Variants in LAMP3 observed in about 807,000 individuals in gnomAD.
LAMP3 encodes the protein lysosome-associated membrane glycoprotein 3.
A neutral mutation model predicts 34.8 loss-of-function variants in LAMP3; 26 were observed. The observed-to-expected ratio is 0.75, with a 90% confidence interval of 0.55 to 1.04. LAMP3 has a LOEUF of 1.04. Among genes scored for constraint, LAMP3 ranks in the 50% least tolerant of loss-of-function variants. LAMP3 has a pLI of 0.00. For missense variants in LAMP3, 495 were observed against 524.0 expected, an observed-to-expected ratio of 0.94 and a Z score of 0.54; for synonymous variants, 180 against 201.9, an observed-to-expected ratio of 0.89 and a Z score of 0.92.
intron 4 of LAMP3, among the ~76,000 whole-genome samples, chr3:183,137,033 G>A (rs1009441683): frequency 2.6e-5 from 4 of 151,228 alleles, no homozygotes; most frequent in African/African-American, 4.9e-5. Context: ...TAAGTAGGCC[G>A]GGCATGGTGG....
chr3:183,142,006 T>C lies in LAMP3; in HGVS notation c.889-1411A>G, dbSNP rs370520149. ...TTCTTGGTCCTGGGAGAGGACCTGG[T>C]TGCCTCCGTCAAGGTGCTCAGTCTC... On this transcript the variant is annotated intron_variant, in intron 3 of 5. Coordinates refer to ENST00000265598, the MANE Select transcript of LAMP3 (RefSeq NM_014398.4). Among the ~76,000 whole-genome samples, 20 of 152,296 alleles carry C rather than the reference T, an allele frequency of 1.3e-4. No homozygotes were observed. The East Asian group carries it at 1.9e-3, about 15-fold the overall frequency.
At chr3:183,159,322 G>A (rs535879439) in intron 1 of LAMP3, among the ~76,000 whole-genome samples, 2 of 152,362 alleles carry the variant, frequency 1.3e-5, no homozygotes, top group South Asian at 2.1e-4. Flanking sequence ...GAATGTGTAA[G>A]GGCGCAGAGG....
At chr3:183,150,137 G>C (rs1720585227) in intron 3 of LAMP3, among the ~76,000 whole-genome samples, 1 of 152,194 alleles carries the variant, frequency 6.6e-6, no homozygotes, top group Non-Finnish European at 1.5e-5. Flanking sequence ...GGTGAATGGA[G>C]GGAGGGGAGG....
chr3:183,139,993 T>C (rs1486573031), intron 4 of LAMP3, among the ~76,000 whole-genome samples: 1 of 152,238 alleles, frequency 6.6e-6, no homozygotes. Context: ...TTGCCAATCA[T>C]GATCTCTGAC....
Position 183,154,160 on chromosome 3 carries a change from G to A in LAMP3, c.281C>T (p.Thr94Ile). The change falls in exon 2 of 6, where the codon ACT (threonine) becomes ATT (isoleucine). Residue 94 changes from threonine (T) to isoleucine (I), a missense_variant. Coordinates refer to ENST00000265598, the MANE Select transcript of LAMP3 (RefSeq NM_014398.4). The part of the protein sequence containing the change: ...PTTTPATTKN[T>I]ATTSPITYTL... ...GTAGGTAATTGGGCTGGTGGTTGCA[G>A]TGTTTTTTGTAGTCGCTGGGGTAGT... The A allele has an allele frequency of 1.2e-6, 2 of 1,613,912 alleles. No individual in the cohort carries two copies. The highest frequency in any genetic ancestry group is 1.7e-6 in the Non-Finnish European group (2 of 1,179,858).
chr3:183,162,586 G>A, intron 1 of LAMP3, 21 bp downstream of exon 1: 1 of 1,547,580 alleles, frequency 6.5e-7, no homozygotes, highest in Non-Finnish European at 8.7e-7. Flanking sequence ...GCCACCGCGG[G>A]AAGCGCTGAG....
At chr3:183,155,772 G>C (rs528904059) in intron 1 of LAMP3, among the ~76,000 whole-genome samples, 1 of 152,190 alleles carries the variant, frequency 6.6e-6, no homozygotes, top group East Asian at 1.9e-4. Context: ...CATTTTTACC[G>C]TCAGTGCCTG....
chr3:183,161,992 C>T (rs1027196877), intron 1 of LAMP3: 4 of 985,158 alleles, frequency 4.1e-6, no homozygotes, highest in East Asian at 1.1e-4. Context: ...GCATGTTAGC[C>T]GGGCGGTAGG....
At chr3:183,132,649 G>A (rs1463591184) in intron 5 of LAMP3, 2 of 985,292 alleles carry the variant, frequency 2.0e-6, no homozygotes, top group Admixed American at 6.2e-5. Context: ...AGTAGGGGAG[G>A]TGCTGTTTCC....
intron 1 of LAMP3, among the ~76,000 whole-genome samples, chr3:183,160,367 T>C (rs1325598304): frequency 2.0e-5 from 3 of 152,212 alleles, no homozygotes; most frequent in Non-Finnish European, 2.9e-5. Context: ...CACAGTAGCG[T>C]AGAGCCTGAA....
intron 3 of LAMP3, among the ~76,000 whole-genome samples, 173 bp downstream of exon 3, chr3:183,152,202 G>C (rs1405205988): frequency 6.6e-6 from 1 of 152,144 alleles, no homozygotes; most frequent in African/African-American, 2.4e-5. Flanking sequence ...GAGGCTGAAG[G>C]GGGAAGAAGA....
intron 3 of LAMP3, among the ~76,000 whole-genome samples, chr3:183,145,627 G>A (rs1394408513): frequency 6.6e-6 from 1 of 152,204 alleles, no homozygotes; most frequent in East Asian, 1.9e-4. Flanking sequence ...GGCCGAGGTT[G>A]GGCGGATCAG....
At chr3:183,148,249 G>A (rs567731408) in intron 3 of LAMP3, among the ~76,000 whole-genome samples, 6 of 152,188 alleles carry the variant, frequency 3.9e-5, no homozygotes, top group Non-Finnish European at 7.3e-5. Context: ...TCTCCAGGAC[G>A]TTGGTCTGGG....
At chr3:183,161,951 A>G (rs1279068221) in intron 1 of LAMP3, 1 of 985,206 alleles carries the variant, frequency 1.0e-6, no homozygotes, top group African/African-American at 1.7e-5. Flanking sequence ...CATTCATGTT[A>G]CAAGCAAGGG....
intron 5 of LAMP3, 129 bp downstream of exon 5, chr3:183,135,588 G>A (rs1720057912): frequency 3.4e-6 from 3 of 890,768 alleles, no homozygotes; most frequent in Non-Finnish European, 5.3e-6. Context: ...TGTGAGCTAT[G>A]TGGAATCACA....
chr3:183,162,915 G>A (rs1055272968), upstream of LAMP3: 51 of 483,132 alleles, frequency 1.1e-4, no homozygotes, highest in Non-Finnish European at 1.6e-4. Flanking sequence ...GCGTGGTCCC[G>A]GCAGCGCCGG....
intron 1 of LAMP3, among the ~76,000 whole-genome samples, chr3:183,159,490 A>G (rs1720914958): frequency 6.6e-6 from 1 of 152,212 alleles, no homozygotes; most frequent in South Asian, 2.1e-4. Flanking sequence ...TGAGGAGCAC[A>G]GTCAGGGAGT....
At chr3:183,162,030 G>A in intron 1 of LAMP3, 2 of 968,586 alleles carry the variant, frequency 2.1e-6, no homozygotes, top group Non-Finnish European at 2.5e-6. Flanking sequence ...CATGACGTTC[G>A]AGTAACCAGG....
intron 4 of LAMP3, among the ~76,000 whole-genome samples, chr3:183,137,585 A>ACTGC (rs1448557625): frequency 2.0e-5 from 3 of 152,162 alleles, no homozygotes; most frequent in Non-Finnish European, 4.4e-5. Flanking sequence ...CTCTGTGTAC[A>ACTGC]CTGCCGGGTC....
Sources: gnomAD v4.1 joint callset for allele counts (sites outside exome capture counted in the v4.1 genomes callset) on GRCh38, gnomAD v4.1.1 for gene constraint, MANE v1.5 for transcripts, NCBI Gene and HGNC (gene_info 2026-07-23, HGNC 2026-07-21) for gene names.